Variants in CACHD1 observed in about 807,000 individuals in gnomAD.
CACHD1 encodes the protein VWFA and cache domain-containing protein 1.
In CACHD1, 71 loss-of-function variants were observed where a neutral mutation model predicts 138.7. That is an observed-to-expected ratio of 0.51 (90% CI 0.42 to 0.62). The LOEUF is 0.62. Ranked by LOEUF, CACHD1 falls within the 20% of genes least tolerant of loss-of-function variation. The pLI, the probability that CACHD1 is intolerant of heterozygous loss-of-function variation, is 0.00. For synonymous variants in CACHD1, 578 were observed against 591.5 expected, an observed-to-expected ratio of 0.98 and a Z score of 0.33; for missense variants, 1,389 against 1,625.3, an observed-to-expected ratio of 0.85 and a Z score of 2.50.
intron 1 of CACHD1, among the ~76,000 whole-genome samples, chr1:64,478,128 A>G (rs936411414): frequency 6.6e-6 from 1 of 152,234 alleles, no homozygotes; most frequent in African/African-American, 2.4e-5. Context: ...ATTTTTTAAC[A>G]ATGATGTGCC....
chr1:64,555,553 C>T (rs1374585684), intron 2 of CACHD1, among the ~76,000 whole-genome samples: 8 of 151,924 alleles, frequency 5.3e-5, no homozygotes, highest in Middle Eastern at 3.4e-3. Flanking sequence ...CCCGAGGAGC[C>T]GGGACTACAG....
chr1:64,493,157 T>C (rs1473328367), intron 1 of CACHD1, among the ~76,000 whole-genome samples: 2 of 152,248 alleles, frequency 1.3e-5, no homozygotes, highest in Non-Finnish European at 2.9e-5. Flanking sequence ...ATCATTTGCA[T>C]ATCTTATAAA....
At chr1:64,516,958 C>G (rs1263213553) in intron 1 of CACHD1, among the ~76,000 whole-genome samples, 1 of 152,190 alleles carries the variant, frequency 6.6e-6, no homozygotes, top group East Asian at 1.9e-4. Context: ...ATTCTGACTT[C>G]TCCACTTACT....
intron 4 of CACHD1, among the ~76,000 whole-genome samples, chr1:64,627,259 T>C (rs1160925305): frequency 6.6e-6 from 1 of 151,902 alleles, no homozygotes; most frequent in Non-Finnish European, 1.5e-5. Flanking sequence ...TAAAAAAAAT[T>C]AGCTGAGTGT....
intron 2 of CACHD1, among the ~76,000 whole-genome samples, chr1:64,568,082 A>G (rs1298494769): frequency 6.6e-6 from 1 of 152,184 alleles, no homozygotes; most frequent in Non-Finnish European, 1.5e-5. Context: ...CCAATTCATC[A>G]TTATTCCATT....
chr1:64,668,116 C>G (rs936120423), intron 16 of CACHD1, among the ~76,000 whole-genome samples: 2 of 152,048 alleles, frequency 1.3e-5, no homozygotes, highest in African/African-American at 4.8e-5. Flanking sequence ...ATCATGAGGT[C>G]AGAAGTTCAA....
chr1:64,627,519 C>T lies in CACHD1; in HGVS notation c.518-1836C>T, dbSNP rs150337330. ...GTGCCAAGGAGACAGAGTAGACCAT[C>T]GTCTTACCTTCTTGGAGTTCATGAT... On this transcript the variant is annotated intron_variant, in intron 4 of 26. Transcript: ENST00000651257. 5.3e-3 allele frequency among the ~76,000 whole-genome samples: 805 copies of T among 152,190 alleles called. 11 individuals are homozygous for T. Among genetic ancestry groups the T allele is most frequent in the African/African-American group, 0.018 (747 of 41,514 alleles).
intron 1 of CACHD1, among the ~76,000 whole-genome samples, chr1:64,479,201 T>C (rs1646195090): frequency 6.6e-6 from 1 of 152,220 alleles, no homozygotes; most frequent in Admixed American, 6.5e-5. Context: ...CTTTGAGATA[T>C]GAGCTTGTCA....
At chr1:64,593,182 C>T (rs1325000479) in intron 3 of CACHD1, among the ~76,000 whole-genome samples, 1 of 152,132 alleles carries the variant, frequency 6.6e-6, no homozygotes, top group Admixed American at 6.5e-5. Context: ...TTATTATCAT[C>T]CCACTAATAT....
chr1:64,605,902 G>A (rs190151997), intron 4 of CACHD1, among the ~76,000 whole-genome samples: 10 of 152,208 alleles, frequency 6.6e-5, no homozygotes, highest in African/African-American at 7.2e-5. Flanking sequence ...TTTAGCTTTT[G>A]CTCTGAATGA....
chr1:64,502,043 A>G (rs1646343075), intron 1 of CACHD1, among the ~76,000 whole-genome samples: 2 of 152,224 alleles, frequency 1.3e-5, no homozygotes, highest in Admixed American at 6.5e-5. Flanking sequence ...TTTACTTTAC[A>G]TAATATTTAA....
rs975920002 is a variant in CACHD1 at position 64,641,849 on chromosome 1, G to C, written c.1036G>C (p.Ala346Pro). The change falls in exon 8 of 27, where the codon GCT becomes CCT. Residue 346 changes from alanine (A) to proline (P), a missense_variant. This residue lies in a region of CACHD1 where 1,000 missense variants were observed against 1,114.7 expected (regional missense o/e 0.90). Transcript: ENST00000651257. ...AGACATGGTCATCATTTACCTGTCA[G>C]CTGGCATTACATCAAAGGACTCTTC... ...NTDMVIIYLS[A>P]GITSKDSSEE... 2 of 1,584,218 alleles carry C rather than the reference G, an allele frequency of 1.3e-6. No homozygotes were observed. The highest frequency in any genetic ancestry group is 1.7e-6 in the Non-Finnish European group (2 of 1,170,144).
chr1:64,633,879 T>C (rs540823915), intron 6 of CACHD1, among the ~76,000 whole-genome samples, 165 bp from the exon 7 acceptor site: 2 of 152,310 alleles, frequency 1.3e-5, no homozygotes, highest in Non-Finnish European at 2.9e-5. Flanking sequence ...TTATGGATCC[T>C]TTTCAAATTT....
chr1:64,476,104 AAGCAGC>A (rs57837863), intron 1 of CACHD1, among the ~76,000 whole-genome samples: 25 of 151,138 alleles, frequency 1.7e-4, no homozygotes, highest in African/African-American at 4.6e-4. Context: ...GTCCTGAAGG[AAGCAGC>A]AGCAGCAGCA....
chr1:64,539,795 A>G (rs551381446), intron 1 of CACHD1, among the ~76,000 whole-genome samples: 23 of 152,218 alleles, frequency 1.5e-4, no homozygotes, highest in Non-Finnish European at 2.6e-4. Context: ...ATGCTCTGAA[A>G]TGCTCTCACC....
At chr1:64,655,702 T>C (rs1649239990) in intron 12 of CACHD1, among the ~76,000 whole-genome samples, 1 of 152,198 alleles carries the variant, frequency 6.6e-6, no homozygotes. Context: ...ACTGTTCATG[T>C]TACCTGTGTT....
At chr1:64,606,411 G>A (rs1647342633) in intron 4 of CACHD1, among the ~76,000 whole-genome samples, 1 of 152,142 alleles carries the variant, frequency 6.6e-6, no homozygotes, top group Non-Finnish European at 1.5e-5. Context: ...GGTGTGCTTG[G>A]AAACTGCAAG....
In CACHD1 at chr1:64,657,337, G is replaced by C. The variant is rs559902122; in HGVS notation, c.1783-1368G>C. 5.4e-4 allele frequency among the ~76,000 whole-genome samples: 82 copies of C among 152,196 alleles called. 1 individual carries two copies. In the South Asian group the frequency reaches 5.8e-3, roughly 11 times the overall value. On this transcript the variant is annotated intron_variant, in intron 12 of 26. Transcript: ENST00000651257. Reference sequence around the variant, plus strand: ...CCTATATTGAAATCTGCTTTCCTAAGAACTGTTTATAAAGTGCTACTTTTA... The same window carrying C: ...CCTATATTGAAATCTGCTTTCCTAACAACTGTTTATAAAGTGCTACTTTTA...
At chr1:64,681,541 G>GTTTTGTTTTTTTTT (rs1553146853) in intron 25 of CACHD1, among the ~76,000 whole-genome samples, 6 of 68,126 alleles carry the variant, frequency 8.8e-5, no homozygotes, top group African/African-American at 3.7e-4. Flanking sequence ...ATTTTATTGT[G>GTTTTGTTTTTTTTT]TTTTTTTTTT....
Sources: allele counts gnomAD v4.1 joint callset (sites outside exome capture counted in the v4.1 genomes callset), GRCh38; gene constraint gnomAD v4.1.1; regional missense constraint gnomAD v4.1.1; transcripts MANE v1.5; gene names NCBI Gene and HGNC (gene_info 2026-07-23, HGNC 2026-07-21).